PAMR1: variants seen among roughly 807,000 people sequenced by gnomAD.
PAMR1 encodes inactive serine protease PAMR1.
In PAMR1, 88 loss-of-function variants were observed where a neutral mutation model predicts 81.8. That is an observed-to-expected ratio of 1.08 (90% CI 0.91 to 1.28). PAMR1 has a LOEUF of 1.28. Among genes scored for constraint, PAMR1 ranks in the 50% most tolerant of loss-of-function variants. PAMR1 has a pLI of 0.00. For missense variants in PAMR1, 935 were observed against 919.7 expected (o/e 1.02, Z -0.21); for synonymous variants, 336 against 345.3 (o/e 0.97, Z 0.30).
intron 6 of PAMR1, among the ~76,000 whole-genome samples, chr11:35,442,579 TTTC>T (rs1432714112): frequency 6.6e-6 from 1 of 151,992 alleles, no homozygotes; most frequent in African/African-American, 2.4e-5. Context: ...GCCTCCCTAC[TTTC>T]TTTTTTCTTT....
rs1196059094 is a variant in PAMR1 at position 35,432,745 on chromosome 11, G to A, written c.1774C>T (p.Gln592Ter). The change falls in exon 11 of 11, where the codon CAG (glutamine) becomes TAG (stop). Residue 592 changes from glutamine to a stop codon, truncating the protein, a stop_gained. Coordinates refer to ENST00000619888, the MANE Select transcript of PAMR1 (RefSeq NM_001001991.3). LOFTEE classifies it high-confidence loss of function. ...CCAGCCACAGTGATGTGGGACTCCT[G>A]GAAGGAAGTGCTGAGATCCCGACTG... ...AASRDLSTSF[Q>*]ESHITVAGWN... The A allele has an allele frequency of 1.2e-6, 2 of 1,613,910 alleles. No individual in the cohort carries two copies. Among genetic ancestry groups the A allele is most frequent in the African/African-American group, 1.3e-5 (1 of 74,930 alleles).
chr11:35,432,594 C>T lies in PAMR1; in HGVS notation c.1925G>A (p.Ser642Asn), dbSNP rs774588409. Residue 642 changes from serine to asparagine, a missense_variant, in exon 11 of 11, where the codon AGT becomes AAT. Coordinates refer to ENST00000619888, the MANE Select transcript of PAMR1 (RefSeq NM_001001991.3). ...EQHEDHGIPV[S>N]VTDNMFCASW... ...GGCACAGAACATGTTATCAGTGACA[C>T]TCACTGGGATGCCATGGTCCTCATG... The T allele has an allele frequency of 2.5e-6, 4 of 1,614,138 alleles. No individual in the cohort carries two copies. Among genetic ancestry groups the T allele is most frequent in the East Asian group, 2.2e-5 (1 of 44,882 alleles).
intron 3 of PAMR1, among the ~76,000 whole-genome samples, chr11:35,481,423 T>C (rs952337855): frequency 1.3e-5 from 2 of 152,234 alleles, no homozygotes; most frequent in Non-Finnish European, 2.9e-5. Flanking sequence ...TAGTATCTCA[T>C]TGTGTTTTTA....
Position 35,432,416 on chromosome 11 carries a change from G to T in PAMR1, c.2103C>A (p.Leu701=). 1.2e-6 allele frequency: 2 copies of T among 1,614,048 alleles called. No individual in the cohort carries two copies. The highest frequency in any genetic ancestry group is 1.6e-4 in the Middle Eastern group (1 of 6,062). Residue 701 remains leucine (L), a synonymous_variant, in exon 11 of 11, where the codon CTC becomes CTA. Transcript: ENST00000619888. ...WSYDKTCSHR[L]STAFTKVLPF... Reference sequence around the variant, plus strand: ...GCAGCACCTTGGTGAAGGCAGTGGAGAGCCTGTGGCTGCATGTTTTATCAT... The same window carrying T: ...GCAGCACCTTGGTGAAGGCAGTGGATAGCCTGTGGCTGCATGTTTTATCAT...
chr11:35,449,596 G>T (rs181644027), intron 6 of PAMR1, among the ~76,000 whole-genome samples: 1 of 152,174 alleles, frequency 6.6e-6, no homozygotes, highest in African/African-American at 2.4e-5. Flanking sequence ...AACTGAAACC[G>T]CAGTGATGGC....
rs796194344 is a variant in PAMR1, at chr11:35,491,017, C to T, written c.379+1028G>A. Among the ~76,000 whole-genome samples the T allele has an allele frequency of 2.0e-5, 3 of 152,186 alleles. No homozygotes were observed. In the South Asian group the frequency reaches 6.2e-4, roughly 32 times the overall value. ...ACCAGGGTTAAATCTTGCAGCTAACCTACCTGGAACATAATCTGCCAGGTA... is the reference window on the plus strand; with the variant it reads ...ACCAGGGTTAAATCTTGCAGCTAACTTACCTGGAACATAATCTGCCAGGTA... On this transcript the variant is annotated intron_variant, in intron 3 of 10. Transcript: ENST00000619888.
intron 1 of PAMR1, among the ~76,000 whole-genome samples, chr11:35,519,671 A>G (rs910538853): frequency 4.6e-5 from 7 of 152,158 alleles, no homozygotes; most frequent in Non-Finnish European, 5.9e-5. Context: ...GGGGCTGCTG[A>G]TGCCTCTGTC....
chr11:35,491,895 C>T, intron 3 of PAMR1, 150 bp downstream of exon 3: 1 of 652,628 alleles, frequency 1.5e-6, no homozygotes, highest in Non-Finnish European at 2.5e-6. Flanking sequence ...AGATGGAAAT[C>T]CATCTTTGTT....
chr11:35,457,577 C>G (rs1444214701), intron 6 of PAMR1, among the ~76,000 whole-genome samples: 1 of 152,110 alleles, frequency 6.6e-6, no homozygotes, highest in African/African-American at 2.4e-5. Flanking sequence ...CTGTAGACCT[C>G]TATTAAGTTA....
chr11:35,434,641 C>T lies in PAMR1; in HGVS notation c.1497G>A (p.Val499=), dbSNP rs765501262. ...CAGTAACACAGTGGGCAGCCACCAC[C>T]ACAGTGCGCTCATTCACCAGGGCAC... ...CSGALVNERT[V]VVAAHCVTDL... is the part of the protein sequence containing the mutation. Residue 499 remains valine, a synonymous_variant, in exon 10 of 11, where the codon GTG becomes GTA. Transcript: ENST00000619888. 2.4e-5 allele frequency: 39 copies of T among 1,614,008 alleles called. No homozygotes were observed. Among genetic ancestry groups the T allele is most frequent in the Non-Finnish European group, 3.1e-5 (37 of 1,180,040 alleles).
upstream of PAMR1, chr11:35,525,790 G>A: frequency 5.1e-6 from 3 of 591,342 alleles, no homozygotes; most frequent in Non-Finnish European, 6.0e-6. Flanking sequence ...CCTCTCTGCT[G>A]CCTTAACCCT....
At chr11:35,512,601 T>C (rs1320301370) in intron 1 of PAMR1, among the ~76,000 whole-genome samples, 3 of 152,182 alleles carry the variant, frequency 2.0e-5, no homozygotes, top group African/African-American at 7.2e-5. Flanking sequence ...CAGGTGGCCT[T>C]GGGCGAGTCA....
chr11:35,470,619 T>C lies in PAMR1; in HGVS notation c.694A>G (p.Ile232Val). ...CCTTTACCTGTGATCTCCTCATAAA[T>C]GGCATGGAAACCGTCAAAATTCTTG... ...GSKNFDGFHA[I>V]YEEITACSSS... The change falls in exon 5 of 11, where the codon ATT (isoleucine) becomes GTT (valine). Residue 232 changes from isoleucine to valine, a missense_variant. Ile to Val is a conservative substitution (Grantham distance 29, BLOSUM62 3). Transcript: ENST00000619888. 3 of 1,614,098 alleles carry C rather than the reference T, an allele frequency of 1.9e-6. No individual in the cohort carries two copies. Among genetic ancestry groups the C allele is most frequent in the Non-Finnish European group, 2.5e-6 (3 of 1,179,954 alleles).
intron 6 of PAMR1, among the ~76,000 whole-genome samples, chr11:35,457,591 C>T (rs1856563350): frequency 6.6e-6 from 1 of 152,124 alleles, no homozygotes; most frequent in South Asian, 2.1e-4. Flanking sequence ...TAAGTTAGCT[C>T]CTCAAGGAAA....
chr11:35,521,517 A>G (rs964362032), intron 1 of PAMR1, among the ~76,000 whole-genome samples: 2 of 152,188 alleles, frequency 1.3e-5, no homozygotes, highest in African/African-American at 4.8e-5. Context: ...TCAGGTTCAA[A>G]ACACTCTGAA....
At chr11:35,461,254 A>T (rs1180646302) in intron 6 of PAMR1, among the ~76,000 whole-genome samples, 1 of 152,228 alleles carries the variant, frequency 6.6e-6, no homozygotes, top group Admixed American at 6.5e-5. Context: ...AGCAAAGCGT[A>T]AGCAAAGCGT....
upstream of PAMR1, chr11:35,525,636 C>T: frequency 6.4e-7 from 1 of 1,550,478 alleles, no homozygotes; most frequent in Non-Finnish European, 8.9e-7. Context: ...GAGGAGGGAC[C>T]CAGGGAGGCC....
chr11:35,463,798 A>G (rs1347742121), intron 6 of PAMR1, among the ~76,000 whole-genome samples: 1 of 152,200 alleles, frequency 6.6e-6, no homozygotes, highest in Non-Finnish European at 1.5e-5. Context: ...AGACTGTCCC[A>G]TCGGAGGCTC....
chr11:35,513,430 G>A (rs1467061479), intron 1 of PAMR1: 1 of 152,180 alleles, frequency 6.6e-6, no homozygotes, highest in Admixed American at 6.5e-5. Flanking sequence ...GAGTCAGAGA[G>A]CATTAACCAT....
Sources: gnomAD v4.1 joint callset for allele counts (sites outside exome capture counted in the v4.1 genomes callset) on GRCh38, gnomAD v4.1.1 for gene constraint, MANE v1.5 for transcripts, NCBI Gene and HGNC (gene_info 2026-07-23, HGNC 2026-07-21) for gene names.